ABLIM2: variants seen among roughly 807,000 people sequenced by gnomAD.
ABLIM2 encodes the protein actin-binding LIM protein 2.
ABLIM2 carries 53 observed loss-of-function variants against 97.7 expected under a neutral mutation model. That is an observed-to-expected ratio of 0.54 (90% CI 0.44 to 0.68). The LOEUF (loss-of-function observed/expected upper bound fraction) is 0.68, where lower values mean the gene tolerates loss of function less well. ABLIM2 is among the 30% of genes least tolerant of loss of function. The probability of loss-of-function intolerance (pLI) is 0.00; values close to 1 mark genes in which losing one functional copy is unlikely to be tolerated. For missense variants in ABLIM2, 835 were observed against 867.2 expected (o/e 0.96, Z 0.47); for synonymous variants, 361 against 345.8 (o/e 1.04, Z -0.49).
chr4:8,146,218 G>A (rs911908373), intron 1 of ABLIM2, among the ~76,000 whole-genome samples: 8 of 152,100 alleles, frequency 5.3e-5, no homozygotes, highest in Non-Finnish European at 7.3e-5. Flanking sequence ...TATGGTCTAG[G>A]GCAGTCCTCA....
chr4:8,154,419 T>TC (rs1714534970), intron 1 of ABLIM2, among the ~76,000 whole-genome samples: 1 of 150,546 alleles, frequency 6.6e-6, no homozygotes, highest in African/African-American at 2.5e-5. Context: ...GTAGTGGGGA[T>TC]TACAGGCACC....
intron 6 of ABLIM2, among the ~76,000 whole-genome samples, chr4:8,070,955 G>A (rs948969613): frequency 3.9e-5 from 6 of 152,144 alleles, no homozygotes; most frequent in Non-Finnish European, 7.4e-5. Context: ...GGGTGGGGCT[G>A]GAAACAGGCA....
At chr4:8,039,392 G>T (rs551538970) in intron 9 of ABLIM2, among the ~76,000 whole-genome samples, 1 of 152,128 alleles carries the variant, frequency 6.6e-6, no homozygotes, top group African/African-American at 2.4e-5. Context: ...TGACAGCAGG[G>T]GTCAGAGAGG....
rs1042960790 is a variant in ABLIM2, at chr4:8,148,928, C to T, written c.10+9752G>A. ...CGGGAGATCAGGCCACGCCAGGACC[C>T]GGGATCTGGAGGCACCAGGGAGAGT... On this transcript the variant is annotated intron_variant, in intron 1 of 20. Coordinates refer to ENST00000447017, the MANE Select transcript of ABLIM2 (RefSeq NM_001130083.2). The surrounding 1 kb of genome is among the most constrained non-coding windows in gnomAD (Gnocchi z 6.7). Among the ~76,000 whole-genome samples the T allele has an allele frequency of 7.2e-5, 11 of 152,288 alleles. No homozygotes were observed. Among genetic ancestry groups the T allele is most frequent in the Admixed American group, 5.2e-4 (8 of 15,300 alleles).
chr4:8,028,582 TTCAA>T (rs1379558534), intron 11 of ABLIM2, among the ~76,000 whole-genome samples: 2 of 151,974 alleles, frequency 1.3e-5, no homozygotes, highest in East Asian at 1.9e-4. Flanking sequence ...CACTCACTCA[TTCAA>T]TCACTCATTC....
At chr4:8,101,206 C>A (rs1834404294) in intron 2 of ABLIM2, among the ~76,000 whole-genome samples, 2 of 152,224 alleles carry the variant, frequency 1.3e-5, no homozygotes, top group Non-Finnish European at 2.9e-5. Flanking sequence ...GCTGGCCGGG[C>A]ATCGCAGCTC....
intron 20 of ABLIM2, among the ~76,000 whole-genome samples, chr4:7,978,931 G>C (rs1735822455): frequency 6.6e-6 from 1 of 152,176 alleles, no homozygotes; most frequent in Non-Finnish European, 1.5e-5. Context: ...GAGACGGCAG[G>C]GGCGCCTCCT....
Position 8,124,658 on chromosome 4 carries a change from T to C in ABLIM2, c.11-18021A>G, listed in dbSNP as rs748908985. ...CCTATTTGGCTCATCCATTAGTCAG[T>C]GGATGAACTTTGGGGCTGTGTCTAC... On this transcript the variant is annotated intron_variant, in intron 1 of 20. Coordinates refer to ENST00000447017, the MANE Select transcript of ABLIM2 (RefSeq NM_001130083.2). This position sits in a 1 kb window ranked among gnomAD's most constrained non-coding sequence, Gnocchi z 6.1. Among the ~76,000 whole-genome samples, 1 of 152,216 alleles carries C rather than the reference T, an allele frequency of 6.6e-6. No homozygotes were observed. Among genetic ancestry groups the C allele is most frequent in the Non-Finnish European group, 1.5e-5 (1 of 68,036 alleles).
At chr4:8,065,551 G>A (rs577410216) in intron 6 of ABLIM2, among the ~76,000 whole-genome samples, 6 of 152,318 alleles carry the variant, frequency 3.9e-5, no homozygotes, top group Admixed American at 2.0e-4. Context: ...GGTTTTTCAA[G>A]AAGTTAAACA....
rs1026015216 is a variant in ABLIM2, at chr4:7,972,660, G to A, written c.1825-5557C>T. 2.0e-5 allele frequency among the ~76,000 whole-genome samples: 3 copies of A among 152,190 alleles called. No homozygotes were observed. In the East Asian group the frequency reaches 5.8e-4, roughly 29 times the overall value. On this transcript the variant is annotated intron_variant, in intron 20 of 20. Transcript: ENST00000447017. The stretch of plus-strand genomic sequence containing the variant: ...GTCCTGCTCTCTGCTGTGGCGCCAC[G>A]GGGGCTCCCCCGCCACTGTCCTGGC...
chr4:8,114,253 G>A (rs992739368), intron 1 of ABLIM2, among the ~76,000 whole-genome samples: 4 of 152,032 alleles, frequency 2.6e-5, no homozygotes, highest in Admixed American at 6.5e-5. Context: ...CGGGAGACAG[G>A]CATGGCTCTC....
At chr4:8,063,128 C>G (rs528265603) in intron 6 of ABLIM2, among the ~76,000 whole-genome samples, 1 of 152,196 alleles carries the variant, frequency 6.6e-6, no homozygotes, top group African/African-American at 2.4e-5. Flanking sequence ...TGCAGTGGTG[C>G]AATCTCAGCT....
chr4:7,971,232 G>A (rs1028962331), intron 20 of ABLIM2, among the ~76,000 whole-genome samples: 3 of 152,200 alleles, frequency 2.0e-5, no homozygotes, highest in African/African-American at 4.8e-5. Context: ...GCCAGGGCAG[G>A]CAGGGTGGGT....
At chr4:8,129,575 G>A (rs1265108861) in intron 1 of ABLIM2, among the ~76,000 whole-genome samples, 3 of 152,334 alleles carry the variant, frequency 2.0e-5, no homozygotes, top group South Asian at 4.1e-4. Context: ...GAAATCCGGG[G>A]CACAGAACCT....
At position 7,980,941 on chromosome 4, in the gene ABLIM2, A is replaced by ATTTTTTTTTTTTTTTTTTTTTTTTTTTT. The variant is rs1167615555; in HGVS notation, c.1824+2322_1824+2323insAAAAAAAAAAAAAAAAAAAAAAAAAAAA. Among the ~76,000 whole-genome samples, 34 of 82,976 alleles carry ATTTTTTTTTTTTTTTTTTTTTTTTTTTT rather than the reference A, an allele frequency of 4.1e-4. 4 individuals are homozygous for ATTTTTTTTTTTTTTTTTTTTTTTTTTTT. Among genetic ancestry groups the ATTTTTTTTTTTTTTTTTTTTTTTTTTTT allele is most frequent in the Non-Finnish European group, 4.6e-4 (22 of 48,026 alleles). 54.4% of individuals were successfully genotyped at this position (82,976 alleles called of 152,430 possible). ...AGAACCATGGTCTCCACAACCCCTT[A>ATTTTTTTTTTTTTTTTTTTTTTTTTTTT]TTTTTTTTTTTTTTTTTTTTGAGAT... On this transcript the variant is annotated intron_variant, in intron 20 of 20. Transcript: ENST00000447017.
At chr4:7,995,760 A>G (rs988798142) in intron 16 of ABLIM2, among the ~76,000 whole-genome samples, 5 of 152,200 alleles carry the variant, frequency 3.3e-5, no homozygotes, top group Non-Finnish European at 5.9e-5. Context: ...CCCGATATGC[A>G]AAACAGGCAA....
intron 8 of ABLIM2, among the ~76,000 whole-genome samples, chr4:8,049,101 G>A (rs569297713): frequency 3.9e-5 from 6 of 152,240 alleles, no homozygotes; most frequent in South Asian, 2.1e-4. Flanking sequence ...CGGTCACGGC[G>A]CCTCTGAGCA....
rs560054422 is a variant in ABLIM2 at position 7,983,321 on chromosome 4, G to T, written c.1767C>A (p.Ile589=). The part of the protein sequence containing the change: ...EYKIYPYDSL[I]VTNRIRVKLP... ...GTTTCACGCGAATTCGGTTTGTGAC[G>T]ATGAGGGAGTCATACGGATAGATCT... The change falls in exon 20 of 21, where the codon ATC becomes ATA. Residue 589 remains isoleucine, a synonymous_variant. Coordinates refer to ENST00000447017, the MANE Select transcript of ABLIM2 (RefSeq NM_001130083.2). 66 of 1,612,394 alleles carry T rather than the reference G, an allele frequency of 4.1e-5. No individual in the cohort carries two copies. Among genetic ancestry groups the T allele is most frequent in the Non-Finnish European group, 5.2e-5 (61 of 1,179,508 alleles).
rs1768095611 is a variant in ABLIM2 at position 8,015,258 on chromosome 4, C to G, written c.1423+4360G>C. Among the ~76,000 whole-genome samples, 1 of 152,140 alleles carries G rather than the reference C, an allele frequency of 6.6e-6. No individual in the cohort carries two copies. Among genetic ancestry groups the G allele is most frequent in the African/African-American group, 2.4e-5 (1 of 41,434 alleles). ...TTCTAGGACAGCCTCTCTGCATTCA[C>G]TGCACTGCAGAAGGAGAGGTTAGCG... On this transcript the variant is annotated intron_variant, in intron 14 of 20. Transcript: ENST00000447017. This position sits in a 1 kb window ranked among gnomAD's most constrained non-coding sequence, Gnocchi z 4.6.
Sources: allele counts gnomAD v4.1 joint callset (sites outside exome capture counted in the v4.1 genomes callset), GRCh38; gene constraint gnomAD v4.1.1; non-coding constraint Gnocchi (gnomAD v3.1); transcripts MANE v1.5; gene names NCBI Gene and HGNC (gene_info 2026-07-23, HGNC 2026-07-21).